Variants in NRXN3 observed in about 807,000 individuals in gnomAD.
The protein encoded by NRXN3 is neurexin 3.
In NRXN3, 32 loss-of-function variants were observed where a neutral mutation model predicts 137.6. The observed-to-expected ratio is 0.23, with a 90% confidence interval of 0.18 to 0.31. The LOEUF is 0.31. Ranked by LOEUF, NRXN3 falls within the 10% of genes least tolerant of loss-of-function variation. The pLI is 1.00. For missense variants in NRXN3, 1,574 were observed against 2,062.5 expected, an observed-to-expected ratio of 0.76 and a Z score of 4.59; for synonymous variants, 798 against 784.5, an observed-to-expected ratio of 1.02 and a Z score of -0.29.
intron 4 of NRXN3, among the ~76,000 whole-genome samples, chr14:78,565,650 T>C (rs957220488): frequency 1.3e-5 from 2 of 152,232 alleles, no homozygotes; most frequent in Non-Finnish European, 2.9e-5. Flanking sequence ...GCCAGTGTGA[T>C]AATAAACGTA....
chr14:79,688,529 G>C (rs771763634), intron 17 of NRXN3, among the ~76,000 whole-genome samples: 1 of 152,156 alleles, frequency 6.6e-6, no homozygotes, highest in Non-Finnish European at 1.5e-5. Context: ...ATTCCTTGGA[G>C]ACTGTTAATA....
At chr14:79,362,888 A>G (rs938984348) in intron 15 of NRXN3, among the ~76,000 whole-genome samples, 4 of 152,254 alleles carry the variant, frequency 2.6e-5, no homozygotes, top group African/African-American at 9.6e-5. Context: ...TTCCATTTAG[A>G]GTCCTGGCAG....
At chr14:79,112,588 A>G (rs1024326569) in intron 15 of NRXN3, among the ~76,000 whole-genome samples, 1 of 152,264 alleles carries the variant, frequency 6.6e-6, no homozygotes, top group Non-Finnish European at 1.5e-5. Flanking sequence ...CTGTGTGTAC[A>G]TAGAAAAGAG....
rs1368559522 is a variant in NRXN3, at chr14:79,862,833, C to T, written c.*869C>T. 1 of 152,472 alleles carries T rather than the reference C, an allele frequency of 6.6e-6. No individual in the cohort carries two copies. Among genetic ancestry groups the T allele is most frequent in the East Asian group, 1.9e-4 (1 of 5,194 alleles). The allele number at this position is 152,472 out of a possible 1,614,324, so 9.4% of individuals were successfully genotyped here. ...TAATTTCAGAATTTACCACCCAAACCCGGAACAGATGGGTTTAGGGCTGGT... is the reference window on the plus strand; with the variant it reads ...TAATTTCAGAATTTACCACCCAAACTCGGAACAGATGGGTTTAGGGCTGGT... On this transcript the variant is annotated 3_prime_UTR_variant, in exon 21 of 21. Transcript: ENST00000335750.
At chr14:79,006,475 T>G (rs1438917051) in intron 15 of NRXN3, among the ~76,000 whole-genome samples, 1 of 152,188 alleles carries the variant, frequency 6.6e-6, no homozygotes, top group East Asian at 1.9e-4. Context: ...GTAGTCAAAG[T>G]ATAGTAGTCA....
chr14:78,970,251 C>G (rs372313977), intron 14 of NRXN3, among the ~76,000 whole-genome samples: 7 of 151,324 alleles, frequency 4.6e-5, no homozygotes, highest in African/African-American at 1.7e-4. Flanking sequence ...GTAACACATG[C>G]AATTATAAAT....
At chr14:79,714,749 A>G (rs1391891821) in intron 19 of NRXN3, among the ~76,000 whole-genome samples, 1 of 152,196 alleles carries the variant, frequency 6.6e-6, no homozygotes, top group Non-Finnish European at 1.5e-5. Flanking sequence ...TCAGTGAGCT[A>G]CATCCTCTTG....
At position 79,674,030 on chromosome 14, in the gene NRXN3, G is replaced by C. The variant is rs375362768; in HGVS notation, c.3616+10081G>C. ...CTACAATTCCACAAAGTGAAAGAAG[G>C]TGCTACTATTGAGGTGAGATCCAAG... On this transcript the variant is annotated intron_variant, in intron 17 of 20. Coordinates refer to ENST00000335750, the MANE Select transcript of NRXN3 (RefSeq NM_001330195.2). Among the ~76,000 whole-genome samples the C allele has an allele frequency of 2.5e-4, 38 of 152,130 alleles. 2 individuals are homozygous for C. The South Asian group carries it at 7.9e-3, about 32-fold the overall frequency.
rs138660832 is a variant in NRXN3, at chr14:78,357,086, A to G, written c.757+59226A>G. On this transcript the variant is annotated intron_variant, in intron 4 of 20. Coordinates refer to ENST00000335750, the MANE Select transcript of NRXN3 (RefSeq NM_001330195.2). ...TCATCCCCCTTGAAGACAGGGGTGTATTAGTCAGTTTTCATGCTGCTGATA... is the reference window on the plus strand; with the variant it reads ...TCATCCCCCTTGAAGACAGGGGTGTGTTAGTCAGTTTTCATGCTGCTGATA... Among the ~76,000 whole-genome samples, 172 of 152,258 alleles carry G rather than the reference A, an allele frequency of 1.1e-3. 1 individual carries two copies. Among genetic ancestry groups the G allele is most frequent in the African/African-American group, 3.4e-3 (142 of 41,564 alleles).
At chr14:79,791,849 A>G (rs2140305605) in intron 19 of NRXN3, among the ~76,000 whole-genome samples, 1 of 152,286 alleles carries the variant, frequency 6.6e-6, no homozygotes, top group African/African-American at 2.4e-5. Context: ...TTAGTTGCAA[A>G]GGAGGCTTGG....
At chr14:79,447,919 C>G (rs111832027) in intron 15 of NRXN3, among the ~76,000 whole-genome samples, 1 of 152,324 alleles carries the variant, frequency 6.6e-6, no homozygotes, top group Non-Finnish European at 1.5e-5. Flanking sequence ...TCTCTCCATG[C>G]TGGTTACCTT....
At chr14:78,697,766 T>C (rs1486235343) in intron 6 of NRXN3, 4 of 152,014 alleles carry the variant, frequency 2.6e-5, no homozygotes, top group Admixed American at 6.6e-5. Context: ...GTCTATATTA[T>C]TGTCAGTTTG....
intron 16 of NRXN3, among the ~76,000 whole-genome samples, chr14:79,507,845 A>G (rs1049675251): frequency 3.3e-5 from 5 of 152,124 alleles, no homozygotes; most frequent in Admixed American, 3.3e-4. Context: ...TGCAGACAGA[A>G]GTATATAGTG....
At chr14:79,579,261 T>A (rs2097692781) in intron 16 of NRXN3, among the ~76,000 whole-genome samples, 1 of 150,688 alleles carries the variant, frequency 6.6e-6, no homozygotes, top group African/African-American at 2.4e-5. Context: ...TTTCTTTCTT[T>A]TGTCATTACA....
intron 19 of NRXN3, among the ~76,000 whole-genome samples, chr14:79,790,269 A>T (rs2099140972): frequency 6.6e-6 from 1 of 152,098 alleles, no homozygotes; most frequent in South Asian, 2.1e-4. Context: ...GGGAGCAGGC[A>T]TGTCACATGG....
At chr14:78,672,010 C>T (rs961406372) in intron 6 of NRXN3, among the ~76,000 whole-genome samples, 7 of 152,170 alleles carry the variant, frequency 4.6e-5, no homozygotes, top group Non-Finnish European at 2.9e-5. Context: ...GCCATCTTAT[C>T]TGTCTGTATG....
At chr14:78,404,572 CT>C (rs2092359519) in intron 4 of NRXN3, among the ~76,000 whole-genome samples, 1 of 152,088 alleles carries the variant, frequency 6.6e-6, no homozygotes, top group African/African-American at 2.4e-5. Flanking sequence ...TGTTTTACTG[CT>C]CTAGAATCTA....
chr14:79,651,350 G>T (rs1227671082), intron 16 of NRXN3, among the ~76,000 whole-genome samples: 1 of 152,158 alleles, frequency 6.6e-6, no homozygotes, highest in Non-Finnish European at 1.5e-5. Context: ...AGCAAAAATT[G>T]AAAAGCAGTA....
At chr14:79,854,284 ATTTC>A (rs556207309) in intron 20 of NRXN3, 330 of 352,180 alleles carry the variant, frequency 9.4e-4, no homozygotes, top group South Asian at 2.4e-3. Context: ...TATGGAAATG[ATTTC>A]TTTTTTTCCC....
Sources: gnomAD v4.1 joint callset for allele counts (sites outside exome capture counted in the v4.1 genomes callset) on GRCh38, gnomAD v4.1.1 for gene constraint, MANE v1.5 for transcripts, NCBI Gene and HGNC (gene_info 2026-07-23, HGNC 2026-07-21) for gene names.